Variants in STK35 observed in about 807,000 individuals in gnomAD.
STK35 encodes serine/threonine-protein kinase 35.
Under a neutral mutation model 37.3 loss-of-function variants are expected in STK35, and 17 were observed. That is an observed-to-expected ratio of 0.46 (90% CI 0.31 to 0.68). The LOEUF (loss-of-function observed/expected upper bound fraction) is 0.68. Among genes scored for constraint, STK35 ranks in the 30% least tolerant of loss-of-function variants. The pLI is 0.05. For synonymous variants in STK35, 385 were observed against 319.1 expected, an observed-to-expected ratio of 1.21 and a Z score of -2.20; for missense variants, 595 against 746.7, an observed-to-expected ratio of 0.80 and a Z score of 2.37.
intron 3 of STK35, among the ~76,000 whole-genome samples, chr20:2,120,843 G>A (rs2096124): frequency 0.45 from 67,932 of 151,754 alleles, 16,164 homozygotes; most frequent in East Asian, 0.94. Context: ...TGCTGGGTGC[G>A]GTGAGAGGGT....
intron 3 of STK35, among the ~76,000 whole-genome samples, chr20:2,127,697 A>G (rs1323839660): frequency 6.6e-6 from 1 of 152,260 alleles, no homozygotes; most frequent in East Asian, 1.9e-4. Context: ...ACCAACAGGT[A>G]TAGCAGGAAA....
rs537280298 is a variant in STK35, at chr20:2,136,271, C to T, written c.*38-7513C>T. Among the ~76,000 whole-genome samples the T allele has an allele frequency of 3.3e-5, 5 of 152,310 alleles. No homozygotes were observed. The South Asian group carries it at 6.2e-4, about 19-fold the overall frequency. On this transcript the variant is annotated intron_variant, in intron 3 of 3. Transcript: ENST00000381482. Reference sequence around the variant, plus strand: ...GAATAGTAGCAGAGAGAGCTGAAATCGAGACAGGAGCCCCCTGGTTGTGTA... The same window carrying T: ...GAATAGTAGCAGAGAGAGCTGAAATTGAGACAGGAGCCCCCTGGTTGTGTA...
intron 2 of STK35, among the ~76,000 whole-genome samples, chr20:2,111,739 C>T (rs954197325): frequency 3.3e-5 from 5 of 152,166 alleles, no homozygotes; most frequent in Non-Finnish European, 5.9e-5. Flanking sequence ...CTTTCAGTCA[C>T]TTCCCATTTC....
chr20:2,140,908 C>T (rs1224124506), intron 3 of STK35, among the ~76,000 whole-genome samples: 2 of 152,222 alleles, frequency 1.3e-5, no homozygotes, highest in African/African-American at 2.4e-5. Context: ...CTGAACCTGC[C>T]TCCTTGCCAA....
At chr20:2,120,005 C>T (rs1359631572) in intron 3 of STK35, among the ~76,000 whole-genome samples, 1 of 152,232 alleles carries the variant, frequency 6.6e-6, no homozygotes, top group East Asian at 1.9e-4. Context: ...AGGAGAACAG[C>T]AGTCCCCAAA....
At chr20:2,102,248 A>C in intron 1 of STK35, 73 bp downstream of exon 1, 1 of 1,383,922 alleles carries the variant, frequency 7.2e-7, no homozygotes, top group Non-Finnish European at 9.3e-7. Flanking sequence ...GCGCTTGGGA[A>C]GGGAAATCGG....
chr20:2,130,450 T>G (rs1395484179), intron 3 of STK35, among the ~76,000 whole-genome samples: 3 of 152,184 alleles, frequency 2.0e-5, no homozygotes, highest in African/African-American at 7.2e-5. Context: ...TAATTGTGTT[T>G]CAAGAACATG....
intron 3 of STK35, among the ~76,000 whole-genome samples, chr20:2,135,369 C>G (rs1341564284): frequency 1.3e-5 from 2 of 152,138 alleles, no homozygotes; most frequent in Non-Finnish European, 2.9e-5. Flanking sequence ...GTGCTCAGTT[C>G]CTTGTAGGGC....
intron 3 of STK35, among the ~76,000 whole-genome samples, chr20:2,135,571 T>G (rs1986072871): frequency 6.6e-6 from 1 of 152,204 alleles, no homozygotes; most frequent in Admixed American, 6.5e-5. Flanking sequence ...TTGTGCATTT[T>G]AAGATCTTGG....
intron 3 of STK35, among the ~76,000 whole-genome samples, chr20:2,123,089 T>C (rs1985847047): frequency 6.6e-6 from 1 of 152,122 alleles, no homozygotes; most frequent in East Asian, 1.9e-4. Context: ...GAGAGTGTTG[T>C]GGGATGAGGG....
intron 2 of STK35, among the ~76,000 whole-genome samples, chr20:2,107,176 C>T (rs1159064414): frequency 1.3e-5 from 2 of 152,234 alleles, no homozygotes; most frequent in Non-Finnish European, 2.9e-5. Flanking sequence ...ACTTAGACAG[C>T]AGGCAAGCCT....
chr20:2,117,210 G>T lies in STK35; in HGVS notation c.1437G>T (p.Ala479=). The T allele has an allele frequency of 6.2e-7, 1 of 1,614,126 alleles. No homozygotes were observed. Reference sequence around the variant, plus strand: ...CTGAGATCGTCCCTGTTGGTGAGGCGCTGCTAGAAAACCCAAAGATGGAGT... The same window carrying T: ...CTGAGATCGTCCCTGTTGGTGAGGCTCTGCTAGAAAACCCAAAGATGGAGT... ...QGTEIVPVGE[A]LLENPKMELH... Residue 479 remains alanine (A), a synonymous_variant, in exon 3 of 4, where the codon GCG becomes GCT. Transcript: ENST00000381482. The surrounding 1 kb of genome is among the most constrained non-coding windows in gnomAD (Gnocchi z 4.4).
intron 2 of STK35, among the ~76,000 whole-genome samples, chr20:2,107,478 T>C (rs918261975): frequency 6.6e-6 from 1 of 152,226 alleles, no homozygotes; most frequent in Non-Finnish European, 1.5e-5. Context: ...GCCAGGCTAC[T>C]ATAAGAGGCC....
intron 2 of STK35, among the ~76,000 whole-genome samples, chr20:2,104,898 A>G (rs113351828): frequency 0.011 from 1,612 of 152,150 alleles, 23 homozygotes; most frequent in African/African-American, 0.034. Flanking sequence ...CACGACTGTA[A>G]TCCCAGCACT....
At chr20:2,137,837 G>A (rs1014311416) in intron 3 of STK35, among the ~76,000 whole-genome samples, 1 of 152,164 alleles carries the variant, frequency 6.6e-6, no homozygotes, top group African/African-American at 2.4e-5. Flanking sequence ...AATGTGAAAA[G>A]CCAGATGCTT....
At chr20:2,126,178 C>T (rs915333969) in intron 3 of STK35, among the ~76,000 whole-genome samples, 3 of 152,176 alleles carry the variant, frequency 2.0e-5, no homozygotes, top group Non-Finnish European at 4.4e-5. Flanking sequence ...CTGCCCATAG[C>T]CCTGTGTCGA....
rs564646236 is a variant in STK35, at chr20:2,119,889, T to C, written c.*37+2474T>C. Among the ~76,000 whole-genome samples the C allele has an allele frequency of 1.5e-3, 231 of 152,358 alleles. 1 individual carries two copies. Among genetic ancestry groups the C allele is most frequent in the Non-Finnish European group, 2.7e-3 (185 of 68,038 alleles). On this transcript the variant is annotated intron_variant, in intron 3 of 3. Coordinates refer to ENST00000381482, the MANE Select transcript of STK35 (RefSeq NM_080836.4). ...AAGTTGAGCTTGGTTTCATGTGTAG[T>C]GTTCTCAGTGAATGTATTTCTCGAG... is the stretch of plus-strand genomic sequence containing the variant.
At chr20:2,140,204 G>A (rs1319440745) in intron 3 of STK35, among the ~76,000 whole-genome samples, 2 of 152,212 alleles carry the variant, frequency 1.3e-5, no homozygotes, top group African/African-American at 4.8e-5. Context: ...CTTAGCAGGT[G>A]TGATTTTTGC....
chr20:2,140,139 G>A (rs1986149810), intron 3 of STK35, among the ~76,000 whole-genome samples: 1 of 152,200 alleles, frequency 6.6e-6, no homozygotes, highest in Non-Finnish European at 1.5e-5. Flanking sequence ...AGTAATCATG[G>A]AAGGGCACTA....
Sources: allele counts gnomAD v4.1 joint callset (sites outside exome capture counted in the v4.1 genomes callset), GRCh38; gene constraint gnomAD v4.1.1; non-coding constraint Gnocchi (gnomAD v3.1); transcripts MANE v1.5; gene names NCBI Gene and HGNC (gene_info 2026-07-23, HGNC 2026-07-21).